Variants in OPCML observed in about 807,000 individuals in gnomAD.
The protein encoded by OPCML is opioid-binding protein/cell adhesion molecule.
Under a neutral mutation model 37.8 loss-of-function variants are expected in OPCML, and 13 were observed. The ratio of observed to expected loss-of-function variants is 0.34; its 90% CI spans 0.22 to 0.55. The LOEUF is 0.55. OPCML is among the 20% of genes least tolerant of loss of function. OPCML has a pLI of 0.91. For synonymous variants in OPCML, 176 were observed against 168.8 expected (o/e 1.04, Z -0.33); for missense variants, 341 against 435.6 (o/e 0.78, Z 1.93).
intron 2 of OPCML, among the ~76,000 whole-genome samples, chr11:132,788,118 A>G (rs1384218257): frequency 6.6e-6 from 1 of 152,104 alleles, no homozygotes; most frequent in Admixed American, 6.6e-5. Context: ...TGACCTCGTG[A>G]GTCACCCACC....
rs184353665 is a variant in OPCML at position 133,476,505 on chromosome 11, C to T, written c.61+55759G>A. Among the ~76,000 whole-genome samples the T allele has an allele frequency of 1.1e-4, 16 of 152,084 alleles. No homozygotes were observed. The East Asian group carries it at 1.7e-3, about 17-fold the overall frequency. ...ATATTTTCCCTGTGTAGCAATCATT[C>T]GTAGTGAATTTGCCTTTTTTTCAGT... On this transcript the variant is annotated intron_variant, in intron 1 of 7. Transcript: ENST00000524381.
At chr11:133,304,151 A>T (rs1565560420) in intron 1 of OPCML, among the ~76,000 whole-genome samples, 1 of 152,188 alleles carries the variant, frequency 6.6e-6, no homozygotes, top group South Asian at 2.1e-4. Context: ...TCCACAAGGG[A>T]GGTAAGCGTC....
chr11:133,028,241 TA>T (rs564816811), intron 1 of OPCML, among the ~76,000 whole-genome samples: 7 of 150,962 alleles, frequency 4.6e-5, no homozygotes, highest in East Asian at 1.9e-4. Flanking sequence ...ACACATGTCT[TA>T]AAAAAAAATA....
At chr11:133,090,670 C>A (rs1948892138) in intron 1 of OPCML, among the ~76,000 whole-genome samples, 1 of 152,066 alleles carries the variant, frequency 6.6e-6, no homozygotes, top group South Asian at 2.1e-4. Context: ...AAAGAAACCT[C>A]CAAGCAAATG....
chr11:132,676,292 C>A (rs1020462689), intron 2 of OPCML, among the ~76,000 whole-genome samples: 1 of 152,008 alleles, frequency 6.6e-6, no homozygotes, highest in African/African-American at 2.4e-5. Context: ...AAAAATAACT[C>A]AATATGTATC....
At chr11:133,392,022 GAC>G (rs1945183961) in intron 1 of OPCML, among the ~76,000 whole-genome samples, 1 of 152,050 alleles carries the variant, frequency 6.6e-6, no homozygotes, top group African/African-American at 2.4e-5. Context: ...AAAAATTAAA[GAC>G]TATTTTTTTC....
chr11:132,517,285 A>C (rs1436551314), intron 4 of OPCML, among the ~76,000 whole-genome samples: 1 of 152,174 alleles, frequency 6.6e-6, no homozygotes, highest in Non-Finnish European at 1.5e-5. Flanking sequence ...GATTTTTAGA[A>C]AGAAGTATAA....
rs192090369 is a variant in OPCML at position 132,606,214 on chromosome 11, C to T, written c.379+50873G>A. 4.8e-4 allele frequency among the ~76,000 whole-genome samples: 73 copies of T among 152,248 alleles called. 1 individual carries two copies. In the East Asian group the frequency reaches 0.013, roughly 27 times the overall value. ...TACTTTTATGGATCTATTGTGCCTTCGTAAATCCATCTTCAGCTCTTTGGC... is the reference window on the plus strand; with the variant it reads ...TACTTTTATGGATCTATTGTGCCTTTGTAAATCCATCTTCAGCTCTTTGGC... On this transcript the variant is annotated intron_variant, in intron 3 of 7. Coordinates refer to ENST00000524381, the MANE Select transcript of OPCML (RefSeq NM_001012393.5).
Position 133,262,036 on chromosome 11 carries a change from T to C in OPCML, c.61+270228A>G, listed in dbSNP as rs144539139. Among the ~76,000 whole-genome samples, 42 of 152,340 alleles carry C rather than the reference T, an allele frequency of 2.8e-4. No individual in the cohort carries two copies. In the East Asian group the frequency reaches 7.1e-3, roughly 26 times the overall value. On this transcript the variant is annotated intron_variant, in intron 1 of 7. Coordinates refer to ENST00000524381, the MANE Select transcript of OPCML (RefSeq NM_001012393.5). ...TTAAGCAAAGGGACTTTACTACTCT[T>C]GGCCTGAATTTTCTTTCTTTTTTTG... is the stretch of plus-strand genomic sequence containing the variant.
At chr11:132,692,897 T>C (rs1246281812) in intron 2 of OPCML, among the ~76,000 whole-genome samples, 1 of 152,146 alleles carries the variant, frequency 6.6e-6, no homozygotes, top group African/African-American at 2.4e-5. Context: ...TTCCTCTAAA[T>C]GGAAATAGCA....
chr11:133,284,389 G>C (rs143175249), intron 1 of OPCML, among the ~76,000 whole-genome samples: 23 of 152,338 alleles, frequency 1.5e-4, no homozygotes, highest in African/African-American at 4.8e-4. Flanking sequence ...AAGCAAAAGC[G>C]GGTGTTTGGG....
intron 4 of OPCML, among the ~76,000 whole-genome samples, chr11:132,476,542 G>T (rs1035794323): frequency 6.6e-6 from 1 of 152,078 alleles, no homozygotes; most frequent in African/African-American, 2.4e-5. Context: ...CCTTTGTAGG[G>T]ACATGGATGA....
At chr11:132,544,228 A>AT (rs966792469) in intron 3 of OPCML, among the ~76,000 whole-genome samples, 48 of 152,114 alleles carry the variant, frequency 3.2e-4, no homozygotes, top group Non-Finnish European at 5.6e-4. Context: ...GTGAAAAAAA[A>AT]AATGGCTTCC....
At chr11:133,360,424 G>A (rs1275474241) in intron 1 of OPCML, 1 of 152,248 alleles carries the variant, frequency 6.6e-6, no homozygotes, top group Admixed American at 6.5e-5. Flanking sequence ...GGGGAAGGAA[G>A]GAAGCCGGTC....
chr11:132,600,075 A>G (rs1484306012), intron 3 of OPCML, among the ~76,000 whole-genome samples: 1 of 152,224 alleles, frequency 6.6e-6, no homozygotes, highest in Non-Finnish European at 1.5e-5. Context: ...TGGAGCCCAC[A>G]GCATAGCTGT....
intron 1 of OPCML, among the ~76,000 whole-genome samples, chr11:133,461,679 A>C (rs7926740): frequency 0.022 from 3,392 of 152,034 alleles, 87 homozygotes; most frequent in South Asian, 0.086. Flanking sequence ...ATGTTCATGG[A>C]TTGAAAGCTT....
chr11:133,310,672 C>T (rs1943048291), intron 1 of OPCML, among the ~76,000 whole-genome samples: 1 of 152,162 alleles, frequency 6.6e-6, no homozygotes, highest in African/African-American at 2.4e-5. Flanking sequence ...TGCCCAAGCA[C>T]TATCCTTCCC....
At chr11:133,149,642 GT>G (rs1350324663) in intron 1 of OPCML, among the ~76,000 whole-genome samples, 2 of 152,228 alleles carry the variant, frequency 1.3e-5, no homozygotes, top group Admixed American at 6.5e-5. Context: ...ATAATCGGCT[GT>G]GGAAACTTTG....
At chr11:132,487,547 G>T (rs186955404) in intron 4 of OPCML, among the ~76,000 whole-genome samples, 3 of 152,256 alleles carry the variant, frequency 2.0e-5, no homozygotes, top group Admixed American at 2.0e-4. Flanking sequence ...TTTGCTGCAC[G>T]AACACCTCAT....
Sources: allele counts gnomAD v4.1 joint callset (sites outside exome capture counted in the v4.1 genomes callset), GRCh38; gene constraint gnomAD v4.1.1; transcripts MANE v1.5; gene names NCBI Gene and HGNC (gene_info 2026-07-23, HGNC 2026-07-21).